Variants in EHMT1 observed in about 807,000 individuals in gnomAD.
EHMT1 encodes the protein histone-lysine N-methyltransferase EHMT1.
A neutral mutation model predicts 147.2 loss-of-function variants in EHMT1; 15 were observed. The observed-to-expected ratio is 0.10, with a 90% CI of 0.07 to 0.16. The LOEUF is 0.16. EHMT1 is among the 10% of genes least tolerant of loss of function. The probability of loss-of-function intolerance (pLI) is 1.00; values close to 1 mark genes in which losing one functional copy is unlikely to be tolerated. For synonymous variants in EHMT1, 795 were observed against 709.6 expected, an observed-to-expected ratio of 1.12 and a Z score of -1.91; for missense variants, 1,587 against 1,772.4, an observed-to-expected ratio of 0.90 and a Z score of 1.88.
rs116111945 is a variant in EHMT1 at position 137,830,198 on chromosome 9, A to G, written c.3541-4151A>G. On this transcript the variant is annotated intron_variant, in intron 25 of 26. Transcript: ENST00000460843. ...CCCCATCTTTGGCCATGGGGAGCCC[A>G]TGCAGGCGAGCCCGTCTCCTTTGGT... Among the ~76,000 whole-genome samples, 277 of 152,136 alleles carry G rather than the reference A, an allele frequency of 1.8e-3. 2 individuals carry two copies. The highest frequency in any genetic ancestry group is 6.2e-3 in the African/African-American group (255 of 41,458).
At position 137,834,930 on chromosome 9, in the gene EHMT1, GCGGCTGCCGC is replaced by G; in HGVS notation, c.3877_3886del (p.Ala1293ThrfsTer50). The G allele has an allele frequency of 6.5e-7, 1 of 1,536,984 alleles. No individual in the cohort carries two copies. On this transcript the variant is annotated frameshift_variant, in exon 27 of 27. Coordinates refer to ENST00000460843, the MANE Select transcript of EHMT1 (RefSeq NM_024757.5). LOFTEE classifies it high-confidence loss of function. The stretch of plus-strand genomic sequence containing the variant: ...GGACGGCTTGCCCGACACCAGCTCC[GCGGCTGCCGC>G]CGACCCCCTATGAGACGCCGCCGGC...
At chr9:137,718,765 T>C (rs1320564420) in intron 3 of EHMT1, among the ~76,000 whole-genome samples, 1 of 151,212 alleles carries the variant, frequency 6.6e-6, no homozygotes, top group African/African-American at 2.4e-5. Context: ...TTTTTCTTTT[T>C]TTTTTTTTGA....
At chr9:137,711,547 G>A (rs140477307) in intron 2 of EHMT1, among the ~76,000 whole-genome samples, 1 of 152,282 alleles carries the variant, frequency 6.6e-6, no homozygotes, top group East Asian at 1.9e-4. Context: ...CCAATTTTAT[G>A]GCAGACACTT....
At chr9:137,700,170 G>C (rs1943717436) in intron 1 of EHMT1, among the ~76,000 whole-genome samples, 1 of 152,160 alleles carries the variant, frequency 6.6e-6, no homozygotes. Context: ...TTATGGACTT[G>C]ACATGTGAGT....
In EHMT1 at chr9:137,817,506, C is replaced by A. The variant is rs1376402488; in HGVS notation, c.3442C>A (p.Pro1148Thr). Reference protein sequence around the residue: ...WGVRSLQDIPPGTFVCEYVGE... With the variant: ...WGVRSLQDIPTGTFVCEYVGE... ...CGTGCGGTCCCTGCAGGACATCCCA[C>A]CAGGCACCTTTGTCTGCGAGTGAGT... The change falls in exon 24 of 27, where the codon CCA becomes ACA. Residue 1148 changes from proline to threonine, a missense_variant. This residue lies in a region of EHMT1 where 156 missense variants were observed against 252.5 expected (regional missense o/e 0.62). Coordinates refer to ENST00000460843, the MANE Select transcript of EHMT1 (RefSeq NM_024757.5). 6.2e-7 allele frequency: 1 copy of A among 1,614,214 alleles called. No individual in the cohort carries two copies. Among genetic ancestry groups the A allele is most frequent in the African/African-American group, 1.3e-5 (1 of 75,062 alleles).
chr9:137,671,077 C>A (rs1281919572), intron 1 of EHMT1, among the ~76,000 whole-genome samples: 3 of 152,166 alleles, frequency 2.0e-5, no homozygotes, highest in Non-Finnish European at 4.4e-5. Flanking sequence ...AACTCTGAAC[C>A]CTTCCAGGGC....
At chr9:137,812,888 C>A in intron 19 of EHMT1, 118 bp from the exon 20 acceptor site, 1 of 1,399,408 alleles carries the variant, frequency 7.1e-7, no homozygotes, top group Non-Finnish European at 1.0e-6. Flanking sequence ...TTCAAGTTAT[C>A]TCACAGTGAA....
At chr9:137,640,285 T>C (rs2133798990) in intron 1 of EHMT1, among the ~76,000 whole-genome samples, 1 of 152,002 alleles carries the variant, frequency 6.6e-6, no homozygotes, top group African/African-American at 2.4e-5. Flanking sequence ...TTTGTTTTAT[T>C]TTTGTGTGTT....
chr9:137,624,005 T>C (rs1371284033), intron 1 of EHMT1, among the ~76,000 whole-genome samples: 2 of 149,786 alleles, frequency 1.3e-5, no homozygotes, highest in Admixed American at 1.3e-4. Flanking sequence ...TCTTTCTTTT[T>C]TTTTTTTTTT....
At chr9:137,677,207 C>T (rs2134431078) in intron 1 of EHMT1, among the ~76,000 whole-genome samples, 1 of 152,178 alleles carries the variant, frequency 6.6e-6, no homozygotes, top group Non-Finnish European at 1.5e-5. Context: ...AATCTCTGCT[C>T]ATTGCAACCT....
chr9:137,692,263 CTTTCTTTTTTT>C (rs1391497198), intron 1 of EHMT1, among the ~76,000 whole-genome samples: 1 of 136,174 alleles, frequency 7.3e-6, no homozygotes, highest in Non-Finnish European at 1.5e-5. Flanking sequence ...TTCTTTCTTT[CTTTCTTTTTTT>C]TTTTTTTTGA....
At position 137,834,847 on chromosome 9, in the gene EHMT1, G is replaced by T; in HGVS notation, c.3791G>T (p.Arg1264Leu). Residue 1264 changes from arginine (R) to leucine (L), a missense_variant, in exon 27 of 27, where the codon CGG (arginine) becomes CTG (leucine). Arg to Leu is a moderately radical substitution (Grantham distance 102). Transcript: ENST00000460843. ...TGCCGCTGCGGCTCCCCCAAGTGCC[G>T]GCACTCGAGCGCGGCCCTGGCCCAG... ...FSCRCGSPKC[R>L]HSSAALAQRQ... is the part of the protein sequence containing the mutation. The T allele has an allele frequency of 1.9e-6, 3 of 1,612,308 alleles. No individual in the cohort carries two copies. Among genetic ancestry groups the T allele is most frequent in the Non-Finnish European group, 2.5e-6 (3 of 1,179,602 alleles).
At chr9:137,657,357 C>T (rs10867041) in intron 1 of EHMT1, among the ~76,000 whole-genome samples, 14,260 of 152,014 alleles carry the variant, frequency 0.094, 917 homozygotes, top group Non-Finnish European at 0.14. Flanking sequence ...TTTCTCGTGG[C>T]AGTGTTGAGA....
intron 18 of EHMT1, chr9:137,803,191 AT>A (rs1249879491): frequency 8.3e-7 from 1 of 1,200,812 alleles, no homozygotes; most frequent in Non-Finnish European, 1.0e-6. Context: ...CAAGTTTGTT[AT>A]TTATACAATG....
intron 6 of EHMT1, among the ~76,000 whole-genome samples, chr9:137,745,249 A>G (rs1262470174): frequency 2.6e-5 from 4 of 152,110 alleles, no homozygotes; most frequent in Non-Finnish European, 5.9e-5. Context: ...AGCATTTTCT[A>G]TCATTTGTCA....
At chr9:137,810,823 G>A (rs961422514) in intron 18 of EHMT1, among the ~76,000 whole-genome samples, 6 of 151,610 alleles carry the variant, frequency 4.0e-5, no homozygotes, top group East Asian at 1.9e-4. Flanking sequence ...CCTCAGCCTC[G>A]CAAGTAGCTG....
intron 16 of EHMT1, among the ~76,000 whole-genome samples, chr9:137,796,703 C>CAAAAAA (rs11449759): frequency 1.7e-4 from 15 of 85,790 alleles, no homozygotes; most frequent in Non-Finnish European, 2.1e-4. Flanking sequence ...GACTCCATCT[C>CAAAAAA]AAAAAAAAAA....
intron 1 of EHMT1, among the ~76,000 whole-genome samples, chr9:137,644,098 C>T (rs1041475198): frequency 5.9e-5 from 9 of 152,282 alleles, no homozygotes; most frequent in South Asian, 4.1e-4. Flanking sequence ...AGTAGCAGTA[C>T]GGTGACCAGG....
At chr9:137,671,829 T>A (rs2134296892) in intron 1 of EHMT1, among the ~76,000 whole-genome samples, 1 of 152,336 alleles carries the variant, frequency 6.6e-6, no homozygotes, top group Admixed American at 6.5e-5. Context: ...TGCCTGGGCC[T>A]GAATCCTATA....
Sources: allele counts gnomAD v4.1 joint callset (sites outside exome capture counted in the v4.1 genomes callset), GRCh38; gene constraint gnomAD v4.1.1; regional missense constraint gnomAD v4.1.1; transcripts MANE v1.5; gene names NCBI Gene and HGNC (gene_info 2026-07-23, HGNC 2026-07-21).